POLR1B: variants seen among roughly 807,000 people sequenced by gnomAD.
The protein encoded by POLR1B is RNA polymerase I subunit B.
In POLR1B, 30 loss-of-function variants were observed where a neutral mutation model predicts 105.8. That is an observed-to-expected ratio of 0.28 (90% CI 0.21 to 0.38). POLR1B has a LOEUF of 0.38. POLR1B is among the 10% of genes least tolerant of loss of function. The probability of loss-of-function intolerance (pLI) is 1.00; values close to 1 mark genes in which losing one functional copy is unlikely to be tolerated. For synonymous variants in POLR1B, 485 were observed against 505.1 expected, an observed-to-expected ratio of 0.96 and a Z score of 0.53; for missense variants, 976 against 1,435.8, an observed-to-expected ratio of 0.68 and a Z score of 5.17.
intron 7 of POLR1B, among the ~76,000 whole-genome samples, chr2:112,556,115 G>A (rs557841383): frequency 6.6e-6 from 1 of 152,352 alleles, no homozygotes; most frequent in African/African-American, 2.4e-5. Flanking sequence ...GAAGTGTTCA[G>A]TGTACACCTG....
At chr2:112,572,781 G>C (rs1279229719) in intron 13 of POLR1B, 23 bp downstream of exon 13, 1 of 1,523,748 alleles carries the variant, frequency 6.6e-7, no homozygotes, top group East Asian at 2.3e-5. Context: ...AGGAAATGTT[G>C]TTCCAATCTT....
Position 112,571,612 on chromosome 2 carries a change from C to CT in POLR1B, c.2075-950_2075-949insT, listed in dbSNP as rs577742464. Among the ~76,000 whole-genome samples the CT allele has an allele frequency of 2.6e-5, 4 of 152,216 alleles. No individual in the cohort carries two copies. The South Asian group carries it at 8.3e-4, about 32-fold the overall frequency. On this transcript the variant is annotated intron_variant, in intron 12 of 14. Coordinates refer to ENST00000263331, the MANE Select transcript of POLR1B (RefSeq NM_019014.6). ...TCCCATGCATGCATAGTTCAGGAGT[C>CT]CACCAAAGATTCGGACCCAATTTAT...
intron 4 of POLR1B, 92 bp downstream of exon 4, chr2:112,549,491 TTTTG>T: frequency 2.0e-6 from 2 of 1,014,034 alleles, no homozygotes; most frequent in Non-Finnish European, 1.3e-6. Context: ...TCTTTGATAT[TTTTG>T]TTTCTTTTTT....
At chr2:112,546,781 T>G (rs556443557) in intron 1 of POLR1B, among the ~76,000 whole-genome samples, 1 of 151,922 alleles carries the variant, frequency 6.6e-6, no homozygotes, top group Admixed American at 6.6e-5. Context: ...GCCAGGATGG[T>G]CTCGATCTCC....
intron 1 of POLR1B, among the ~76,000 whole-genome samples, chr2:112,543,099 A>C (rs1682848253): frequency 6.6e-6 from 1 of 152,226 alleles, no homozygotes; most frequent in South Asian, 2.1e-4. Context: ...TAGAGCTTTA[A>C]AGAGAGAAAC....
Position 112,547,047 on chromosome 2 carries a change from G to T in POLR1B, c.213G>T (p.Glu71Asp), listed in dbSNP as rs761417857. ...CCTTTGAATTTGCTTTCAAAGATGAGCGTATCTCTTTTACTATTCTGGATG... is the reference window on the plus strand; with the variant it reads ...CCTTTGAATTTGCTTTCAAAGATGATCGTATCTCTTTTACTATTCTGGATG... ...IPPFEFAFKD[E>D]RISFTILDAV... The change falls in exon 2 of 15, where the codon GAG becomes GAT. Residue 71 changes from glutamate to aspartate, a missense_variant. Physicochemically the swap from Glu to Asp is conservative, Grantham distance 45 (BLOSUM62 2). Transcript: ENST00000263331. 1 of 1,614,182 alleles carries T rather than the reference G, an allele frequency of 6.2e-7. No homozygotes were observed. Among genetic ancestry groups the T allele is most frequent in the South Asian group, 1.1e-5 (1 of 91,088 alleles).
At chr2:112,551,285 TC>T (rs1455746825) in intron 5 of POLR1B, among the ~76,000 whole-genome samples, 1 of 152,144 alleles carries the variant, frequency 6.6e-6, no homozygotes, top group Non-Finnish European at 1.5e-5. Context: ...TTTCAGGACT[TC>T]CAAGGTGGCT....
chr2:112,547,539 C>T lies in POLR1B; in HGVS notation c.464C>T (p.Ala155Val). ...AACTTACGTAACCTTCCCCCACAAG[C>T]CCTCATTGAGCACCATGAGGAGGCA... is the stretch of plus-strand genomic sequence containing the variant. ...LCNLRNLPPQ[A>V]LIEHHEEAEE... Residue 155 changes from alanine (A) to valine (V), a missense_variant, in exon 3 of 15, where the codon GCC becomes GTC. By Grantham distance (64) the Ala-to-Val change is moderately conservative. This residue lies in a region of POLR1B where 452 missense variants were observed against 616.5 expected (regional missense o/e 0.73). Coordinates refer to ENST00000263331, the MANE Select transcript of POLR1B (RefSeq NM_019014.6). 6.2e-7 allele frequency: 1 copy of T among 1,614,174 alleles called. No individual in the cohort carries two copies. Among genetic ancestry groups the T allele is most frequent in the South Asian group, 1.1e-5 (1 of 91,086 alleles).
At chr2:112,553,467 C>T (rs1316179220) in intron 7 of POLR1B, 1 of 152,138 alleles carries the variant, frequency 6.6e-6, no homozygotes, top group Non-Finnish European at 1.5e-5. Context: ...CATTCACCAC[C>T]ACACCCGGCT....
At chr2:112,558,996 C>G (rs947347988) in intron 8 of POLR1B, among the ~76,000 whole-genome samples, 2 of 150,986 alleles carry the variant, frequency 1.3e-5, no homozygotes, top group Admixed American at 1.3e-4. Flanking sequence ...TATTATCTGA[C>G]TCTCTCAGAT....
At chr2:112,543,122 G>A (rs561832110) in intron 1 of POLR1B, among the ~76,000 whole-genome samples, 1 of 152,336 alleles carries the variant, frequency 6.6e-6, no homozygotes, top group East Asian at 1.9e-4. Flanking sequence ...CTCGTCATTT[G>A]TTATGAATTA....
At chr2:112,555,017 C>CA (rs1398069733) in intron 7 of POLR1B, among the ~76,000 whole-genome samples, 1 of 152,080 alleles carries the variant, frequency 6.6e-6, no homozygotes, top group East Asian at 1.9e-4. Context: ...CCTGTCTCTA[C>CA]AAAAAATATA....
At chr2:112,556,101 A>T (rs1574106257) in intron 7 of POLR1B, among the ~76,000 whole-genome samples, 1 of 152,244 alleles carries the variant, frequency 6.6e-6, no homozygotes, top group East Asian at 1.9e-4. Flanking sequence ...TTGACTGTGA[A>T]GATGAAGTGT....
chr2:112,571,971 C>T (rs1252084836), intron 12 of POLR1B, among the ~76,000 whole-genome samples: 1 of 152,022 alleles, frequency 6.6e-6, no homozygotes, highest in Non-Finnish European at 1.5e-5. Flanking sequence ...AAGAGTAGCC[C>T]TTTATTACTG....
chr2:112,542,366 G>A (rs767749855), upstream of POLR1B: 4 of 1,588,888 alleles, frequency 2.5e-6, no homozygotes, highest in South Asian at 3.4e-5. Context: ...TAGGGCGGGT[G>A]GAACGAGAGG....
Position 112,577,248 on chromosome 2 carries a change from A to G in POLR1B, c.*1519A>G, listed in dbSNP as rs2104588744. 2 of 152,384 alleles carry G rather than the reference A, an allele frequency of 1.3e-5. No individual in the cohort carries two copies. The highest frequency in any genetic ancestry group is 3.9e-4 in the East Asian group (2 of 5,188). 9.4% of individuals were successfully genotyped at this position (152,384 alleles called of 1,614,324 possible). On this transcript the variant is annotated 3_prime_UTR_variant, in exon 15 of 15. Coordinates refer to ENST00000263331, the MANE Select transcript of POLR1B (RefSeq NM_019014.6). Reference sequence around the variant, plus strand: ...ACAGACAGAAAAATCTATCATTTCAAGATAGGCTTAGCAGGATGGGCGCAG... The same window carrying G: ...ACAGACAGAAAAATCTATCATTTCAGGATAGGCTTAGCAGGATGGGCGCAG...
At chr2:112,556,560 A>C (rs1301974263) in intron 7 of POLR1B, among the ~76,000 whole-genome samples, 1 of 152,214 alleles carries the variant, frequency 6.6e-6, no homozygotes, top group Non-Finnish European at 1.5e-5. Context: ...TTCTGGAAGA[A>C]TAGTTAGGTC....
intron 12 of POLR1B, among the ~76,000 whole-genome samples, chr2:112,570,771 CT>C (rs1276386133): frequency 1.1e-4 from 14 of 122,640 alleles, no homozygotes; most frequent in African/African-American, 1.2e-4. Flanking sequence ...CTACTTGTTT[CT>C]TTTTTTTTTC....
In POLR1B at chr2:112,575,798, G is replaced by A. The variant is rs1684835419; in HGVS notation, c.*69G>A. ...CAAAATGTAATTTTAATTCAATGAAGATATCATTACCAGGTTACTCTTGAG... is the reference window on the plus strand; with the variant it reads ...CAAAATGTAATTTTAATTCAATGAAAATATCATTACCAGGTTACTCTTGAG... On this transcript the variant is annotated 3_prime_UTR_variant, in exon 15 of 15. Coordinates refer to ENST00000263331, the MANE Select transcript of POLR1B (RefSeq NM_019014.6). This position sits in a 1 kb window ranked among gnomAD's most constrained non-coding sequence, Gnocchi z 5.3. 9 of 1,480,202 alleles carry A rather than the reference G, an allele frequency of 6.1e-6. No homozygotes were observed. Among genetic ancestry groups the A allele is most frequent in the Non-Finnish European group, 8.2e-6 (9 of 1,097,196 alleles). 91.7% of individuals were successfully genotyped at this position (1,480,202 alleles called of 1,614,324 possible). A position where few individuals can be genotyped will look rare whatever the true frequency, so the allele number is the denominator to read the frequency against.
Sources: allele counts gnomAD v4.1 joint callset (sites outside exome capture counted in the v4.1 genomes callset), GRCh38; gene constraint gnomAD v4.1.1; regional missense constraint gnomAD v4.1.1; non-coding constraint Gnocchi (gnomAD v3.1); transcripts MANE v1.5; gene names NCBI Gene and HGNC (gene_info 2026-07-23, HGNC 2026-07-21).